Variants in DGKD observed in about 807,000 individuals in gnomAD.
The protein encoded by DGKD is DAG kinase delta.
DGKD carries 68 observed loss-of-function variants against 154.4 expected under a neutral mutation model. The ratio of observed to expected loss-of-function variants is 0.44; its 90% CI spans 0.36 to 0.54. The LOEUF (loss-of-function observed/expected upper bound fraction) is 0.54. Among genes scored for constraint, DGKD ranks in the 20% least tolerant of loss-of-function variants. DGKD has a pLI of 0.00. For missense variants in DGKD, 1,343 were observed against 1,593.6 expected (o/e 0.84, Z 2.68); for synonymous variants, 693 against 638.0 (o/e 1.09, Z -1.30).
At chr2:233,448,206 G>C in intron 13 of DGKD, 25 bp downstream of exon 13, 1 of 1,614,182 alleles carries the variant, frequency 6.2e-7, no homozygotes, top group Non-Finnish European at 8.5e-7. Flanking sequence ...GCCCTGGGGA[G>C]GGCATGGTGC....
intron 1 of DGKD, chr2:233,379,792 T>A (rs1702788292): frequency 1.3e-5 from 2 of 152,164 alleles, no homozygotes; most frequent in South Asian, 4.1e-4. Context: ...TTCTTTACTT[T>A]TTTATTTTAT....
intron 3 of DGKD, among the ~76,000 whole-genome samples, chr2:233,416,216 C>T (rs1274355186): frequency 2.0e-5 from 3 of 152,016 alleles, no homozygotes; most frequent in East Asian, 3.8e-4. Flanking sequence ...ATAAATATGC[C>T]CTTTTATAAA....
At chr2:233,420,081 G>A (rs558318263) in intron 3 of DGKD, among the ~76,000 whole-genome samples, 1 of 152,132 alleles carries the variant, frequency 6.6e-6, no homozygotes, top group Non-Finnish European at 1.5e-5. Flanking sequence ...GCCATGAGAC[G>A]CGTGGCAGTC....
Position 233,450,968 on chromosome 2 carries a change from C to T in DGKD, c.2085C>T (p.Ser695=). 6.2e-7 allele frequency: 1 copy of T among 1,612,430 alleles called. No homozygotes were observed. Among genetic ancestry groups the T allele is most frequent in the Non-Finnish European group, 8.5e-7 (1 of 1,178,534 alleles). The stretch of plus-strand genomic sequence containing the variant: ...AGCTGATCAGCAAAGGGAGTCTGTC[C>T]CTAGGCAGTTCTGCTTCCCTTCCGC... The part of the protein sequence containing the change: ...CEKLISKGSL[S]LGSSASLPPQ... Residue 695 remains serine, a synonymous_variant, in exon 17 of 30, where the codon TCC becomes TCT. Transcript: ENST00000264057.
intron 1 of DGKD, among the ~76,000 whole-genome samples, chr2:233,375,238 C>T (rs999768915): frequency 2.0e-5 from 3 of 152,054 alleles, no homozygotes; most frequent in Non-Finnish European, 2.9e-5. Context: ...TTGCAGTGAG[C>T]CGAGATCGTG....
chr2:233,367,851 CTTT>C (rs66652929), intron 1 of DGKD, among the ~76,000 whole-genome samples: 63,318 of 121,482 alleles, frequency 0.52, 15,279 homozygotes, highest in African/African-American at 0.61. Context: ...TTTTTTTTTT[CTTT>C]TTTTTTTTTT....
chr2:233,377,742 T>G (rs1702656213), intron 1 of DGKD, among the ~76,000 whole-genome samples: 1 of 152,190 alleles, frequency 6.6e-6, no homozygotes, highest in Non-Finnish European at 1.5e-5. Context: ...CCATCCCGTT[T>G]TGCAGTCGTG....
At chr2:233,450,794 A>ACGC in intron 16 of DGKD, 128 bp from the exon 17 acceptor site, 1 of 1,207,324 alleles carries the variant, frequency 8.3e-7, no homozygotes, top group South Asian at 1.5e-5. Flanking sequence ...CACACACTTC[A>ACGC]CGCAACTGCC....
rs923628720 is a variant in DGKD at position 233,471,591 on chromosome 2, G to C, written c.*2131G>C. On this transcript the variant is annotated 3_prime_UTR_variant, in exon 30 of 30. Coordinates refer to ENST00000264057, the MANE Select transcript of DGKD (RefSeq NM_152879.3). ...GCTGACTGTGGCTTCAAGGACATCA[G>C]GGCCACCCCAAGTCCTCAGTGTCCT... The C allele has an allele frequency of 1.3e-5, 2 of 152,386 alleles. No homozygotes were observed. The highest frequency in any genetic ancestry group is 2.9e-5 in the Non-Finnish European group (2 of 68,056). 9.4% of individuals were successfully genotyped at this position (152,386 alleles called of 1,614,324 possible). A position where few individuals can be genotyped will look rare whatever the true frequency, so the allele number is the denominator to read the frequency against.
At chr2:233,431,493 T>C (rs2062508018) in intron 3 of DGKD, among the ~76,000 whole-genome samples, 1 of 152,148 alleles carries the variant, frequency 6.6e-6, no homozygotes, top group Admixed American at 6.5e-5. Context: ...TTTATATGGA[T>C]CCAGAATAGC....
At chr2:233,402,343 T>G (rs2061580744) in intron 3 of DGKD, among the ~76,000 whole-genome samples, 1 of 152,264 alleles carries the variant, frequency 6.6e-6, no homozygotes. Flanking sequence ...TTCTTGAGGG[T>G]ACTTTGTGTC....
At position 233,469,829 on chromosome 2, in the gene DGKD, G is replaced by C. The variant is rs185429089; in HGVS notation, c.*369G>C. The C allele has an allele frequency of 9.5e-6, 2 of 210,924 alleles. No individual in the cohort carries two copies. Among genetic ancestry groups the C allele is most frequent in the Non-Finnish European group, 1.9e-5 (2 of 105,216 alleles). The allele number at this position is 210,924 out of a possible 1,614,324, so 13.1% of individuals were successfully genotyped here. On this transcript the variant is annotated 3_prime_UTR_variant, in exon 30 of 30. Coordinates refer to ENST00000264057, the MANE Select transcript of DGKD (RefSeq NM_152879.3). ...CCTGGCCTCGTGCTTGGATTGTCCC[G>C]GGGGCTCCTCTCCGTGTGTCCTTCT...
At position 233,462,628 on chromosome 2, in the gene DGKD, C is replaced by T. The variant is rs768328201; in HGVS notation, c.3094-15C>T. On this transcript the variant is annotated splice_polypyrimidine_tract_variant and intron_variant, in intron 25 of 29. Coordinates refer to ENST00000264057, the MANE Select transcript of DGKD (RefSeq NM_152879.3). ...GGCCCCCCGCCCCCATGCATATTTGCCTGGTTTCTTCTAGGGGCTCAACTG... is the reference window on the plus strand; with the variant it reads ...GGCCCCCCGCCCCCATGCATATTTGTCTGGTTTCTTCTAGGGGCTCAACTG... The T allele has an allele frequency of 6.8e-6, 11 of 1,612,874 alleles. No homozygotes were observed. The Admixed American group carries it at 1.8e-4, about 27-fold the overall frequency.
chr2:233,434,645 C>A, intron 4 of DGKD, 124 bp from the exon 5 acceptor site: 4 of 1,496,418 alleles, frequency 2.7e-6, no homozygotes, highest in Non-Finnish European at 3.7e-6. Context: ...TCTCAGCAGA[C>A]CTGTCCTTTA....
In DGKD at chr2:233,435,901, G is replaced by A; in HGVS notation, c.670G>A (p.Asp224Asn). Reference sequence around the variant, plus strand: ...GACCACACTGGCCTCGATCGGGAAGGACATCATTGAAGATGCAGATGGGGT... The same window carrying A: ...GACCACACTGGCCTCGATCGGGAAGAACATCATTGAAGATGCAGATGGGGT... ...KWTTLASIGK[D>N]IIEDADGIAM... The change falls in exon 6 of 30, where the codon GAC (aspartate) becomes AAC (asparagine). Residue 224 changes from aspartate (D) to asparagine (N), a missense_variant. Physicochemically the swap from Asp to Asn is conservative, Grantham distance 23. Transcript: ENST00000264057. The A allele has an allele frequency of 6.2e-7, 1 of 1,610,694 alleles. No individual in the cohort carries two copies. The highest frequency in any genetic ancestry group is 8.5e-7 in the Non-Finnish European group (1 of 1,178,376).
At chr2:233,416,398 A>G (rs1575076135) in intron 3 of DGKD, among the ~76,000 whole-genome samples, 1 of 152,136 alleles carries the variant, frequency 6.6e-6, no homozygotes, top group East Asian at 1.9e-4. Flanking sequence ...AGCAGATGTG[A>G]TTGTTCTGCC....
chr2:233,429,137 C>T, intron 3 of DGKD: 2 of 985,150 alleles, frequency 2.0e-6, no homozygotes, highest in South Asian at 9.4e-5. Context: ...CCCAAAGATC[C>T]ATCTTCTCAA....
chr2:233,366,876 AGG>A (rs1330429171), intron 1 of DGKD, among the ~76,000 whole-genome samples: 7 of 152,324 alleles, frequency 4.6e-5, no homozygotes, highest in Admixed American at 3.9e-4. Context: ...GGAGAAAGAA[AGG>A]GGGCTGCAGA....
intron 3 of DGKD, among the ~76,000 whole-genome samples, chr2:233,426,406 T>C (rs2062299818): frequency 6.6e-6 from 1 of 152,184 alleles, no homozygotes; most frequent in South Asian, 2.1e-4. Flanking sequence ...GACGCACAGC[T>C]TGATGCATGT....
Sources: gnomAD v4.1 joint callset for allele counts (sites outside exome capture counted in the v4.1 genomes callset) on GRCh38, gnomAD v4.1.1 for gene constraint, MANE v1.5 for transcripts, NCBI Gene and HGNC (gene_info 2026-07-23, HGNC 2026-07-21) for gene names.